The following FAP variants were observed in gnomAD, a reference collection of about 807,000 sequenced individuals.
FAP encodes prolyl endopeptidase FAP.
In FAP, 110 loss-of-function variants were observed where a neutral mutation model predicts 126.5. That is an observed-to-expected ratio of 0.87 (90% CI 0.74 to 1.02). FAP has a LOEUF of 1.02. Among genes scored for constraint, FAP ranks in the 50% least tolerant of loss-of-function variants. The pLI, the probability that FAP is intolerant of heterozygous loss-of-function variation, is 0.00. For missense variants in FAP, 919 were observed against 909.2 expected (o/e 1.01, Z -0.14); for synonymous variants, 334 against 297.3 (o/e 1.12, Z -1.27).
intron 10 of FAP, 152 bp from the exon 11 acceptor site, chr2:162,214,225 G>T (rs1028386517): frequency 5.2e-6 from 3 of 579,836 alleles, no homozygotes; most frequent in South Asian, 4.6e-5. Flanking sequence ...TCTCTGGAGA[G>T]AAAGTTTAAA....
intron 9 of FAP, 111 bp from the exon 10 acceptor site, chr2:162,216,112 A>G (rs1689152942): frequency 1.4e-6 from 1 of 694,078 alleles, no homozygotes; most frequent in Non-Finnish European, 2.5e-6. Context: ...TCTTATGTAT[A>G]TCACTGTGGA....
intron 2 of FAP, among the ~76,000 whole-genome samples, chr2:162,237,881 A>T (rs184006340): frequency 6.6e-6 from 1 of 152,182 alleles, no homozygotes; most frequent in Admixed American, 6.5e-5. Context: ...CTTTTTAATG[A>T]TCACCATTCT....
At chr2:162,182,732 T>C (rs1687734361) in intron 21 of FAP, among the ~76,000 whole-genome samples, 1 of 152,226 alleles carries the variant, frequency 6.6e-6, no homozygotes, top group Admixed American at 6.5e-5. Flanking sequence ...TCATAATTTA[T>C]AATGGGCAAA....
chr2:162,241,977 A>G (rs1690370945), intron 2 of FAP, among the ~76,000 whole-genome samples: 1 of 152,198 alleles, frequency 6.6e-6, no homozygotes, highest in Non-Finnish European at 1.5e-5. Context: ...CAGGACTCAT[A>G]CATTCTTTAG....
rs980795118 is a variant in FAP at position 162,171,079 on chromosome 2, C to T, written c.2183G>A (p.Trp728Ter). Residue 728 changes from tryptophan to a stop codon, truncating the protein, a stop_gained and splice_region_variant, in exon 26 of 26, where the codon TGG becomes TAG. Transcript: ENST00000188790. LOFTEE classifies it high-confidence loss of function. ...VNAQVDFQAM[W>*]YSDQNHGLSG... ...TAAGCCGTGGTTCTGGTCAGAGTAC[C>T]ACTGAAACACAAAGAAAAAAGCTTG... is the stretch of plus-strand genomic sequence containing the variant. The T allele has an allele frequency of 1.2e-6, 2 of 1,611,352 alleles. No homozygotes were observed. The highest frequency in any genetic ancestry group is 1.7e-6 in the Non-Finnish European group (2 of 1,178,518).
chr2:162,224,423 G>T, intron 5 of FAP, 43 bp downstream of exon 5: 1 of 1,174,612 alleles, frequency 8.5e-7, no homozygotes, highest in East Asian at 2.4e-5. Context: ...TTGTGGATTA[G>T]TAGGAGATAC....
chr2:162,195,486 C>T (rs1051232578), intron 16 of FAP, among the ~76,000 whole-genome samples: 6 of 151,578 alleles, frequency 4.0e-5, no homozygotes, highest in Non-Finnish European at 5.9e-5. Context: ...GGATGTGGCC[C>T]GGGAGAAGAG....
At chr2:162,191,693 G>A (rs374039063) in intron 17 of FAP, among the ~76,000 whole-genome samples, 2 of 152,174 alleles carry the variant, frequency 1.3e-5, no homozygotes, top group African/African-American at 4.8e-5. Context: ...ATTATGGGGA[G>A]AATCCATAGA....
intron 23 of FAP, 52 bp from the exon 24 acceptor site, chr2:162,173,273 A>G: frequency 7.6e-7 from 1 of 1,320,906 alleles, no homozygotes; most frequent in Non-Finnish European, 1.1e-6. Flanking sequence ...TCTAATAGAA[A>G]ACTAGCTAAA....
At chr2:162,238,639 G>A (rs1395059016) in intron 2 of FAP, among the ~76,000 whole-genome samples, 5 of 152,074 alleles carry the variant, frequency 3.3e-5, no homozygotes, top group African/African-American at 1.2e-4. Flanking sequence ...TAAGAATAGT[G>A]AAAAAATAAG....
intron 2 of FAP, among the ~76,000 whole-genome samples, chr2:162,234,332 T>C (rs964167355): frequency 3.9e-5 from 6 of 152,174 alleles, no homozygotes; most frequent in African/African-American, 1.4e-4. Context: ...TGTTTTATGA[T>C]CCATAAACAT....
At chr2:162,237,271 A>G (rs1234583024) in intron 2 of FAP, among the ~76,000 whole-genome samples, 1 of 152,208 alleles carries the variant, frequency 6.6e-6, no homozygotes, top group Non-Finnish European at 1.5e-5. Context: ...CAGGACGTGC[A>G]GGTTTGTTAC....
intron 2 of FAP, among the ~76,000 whole-genome samples, chr2:162,233,910 C>T (rs1027796320): frequency 1.3e-5 from 2 of 152,050 alleles, no homozygotes; most frequent in African/African-American, 2.4e-5. Flanking sequence ...GAATTGGGTC[C>T]AACATCTTTT....
intron 8 of FAP, 54 bp from the exon 9 acceptor site, chr2:162,218,194 A>T (rs900212706): frequency 8.4e-7 from 1 of 1,190,836 alleles, no homozygotes; most frequent in African/African-American, 1.6e-5. Context: ...TCTTAAAATC[A>T]TTGTAAATAC....
rs1293727601 is a variant in FAP at position 162,213,936 on chromosome 2, A to C, written c.1002+2T>G. Reference sequence around the variant, plus strand: ...CGTATCTGTGATCTTAATATACCCTACCTTTGGACAATCCCATGTCTGCCA... The same window carrying C: ...CGTATCTGTGATCTTAATATACCCTCCCTTTGGACAATCCCATGTCTGCCA... On this transcript the variant is annotated splice_donor_variant, in intron 11 of 25. Coordinates refer to ENST00000188790, the MANE Select transcript of FAP (RefSeq NM_004460.5). LOFTEE classifies it high-confidence loss of function. 6.2e-7 allele frequency: 1 copy of C among 1,612,826 alleles called. No individual in the cohort carries two copies. The highest frequency in any genetic ancestry group is 8.5e-7 in the Non-Finnish European group (1 of 1,179,314).
intron 18 of FAP, among the ~76,000 whole-genome samples, chr2:162,189,445 A>G (rs1043624273): frequency 3.3e-5 from 5 of 152,134 alleles, no homozygotes; most frequent in African/African-American, 9.6e-5. Context: ...AAAGGAAGCT[A>G]TTGAAAAGGT....
At position 162,222,371 on chromosome 2, in the gene FAP, C is replaced by CA. The variant is rs1433196444; in HGVS notation, c.413+1236dup. On this transcript the variant is annotated intron_variant, in intron 6 of 25. Coordinates refer to ENST00000188790, the MANE Select transcript of FAP (RefSeq NM_004460.5). Reference sequence around the variant, plus strand: ...TTTGGTGATGATATGGATTCGGAGACAAGAAGGACTCAGAATGCATTAGAT... The same window carrying CA: ...TTTGGTGATGATATGGATTCGGAGACAAAGAAGGACTCAGAATGCATTAGAT... 2.6e-5 allele frequency among the ~76,000 whole-genome samples: 4 copies of CA among 152,130 alleles called. No individual in the cohort carries two copies. The East Asian group carries it at 7.7e-4, about 29-fold the overall frequency.
chr2:162,179,792 A>ATCTATCGATC (rs1375172893), intron 21 of FAP, among the ~76,000 whole-genome samples: 1 of 96,694 alleles, frequency 1.0e-5, no homozygotes, highest in Admixed American at 1.1e-4. Context: ...CTATCTATCT[A>ATCTATCGATC]TATATATATA....
At chr2:162,216,790 C>G (rs1434893367) in intron 9 of FAP, among the ~76,000 whole-genome samples, 2 of 152,208 alleles carry the variant, frequency 1.3e-5, no homozygotes, top group African/African-American at 4.8e-5. Context: ...TCTCTTAGGA[C>G]CTCCGTTTCA....
Sources: allele counts gnomAD v4.1 joint callset (sites outside exome capture counted in the v4.1 genomes callset), GRCh38; gene constraint gnomAD v4.1.1; transcripts MANE v1.5; gene names NCBI Gene and HGNC (gene_info 2026-07-23, HGNC 2026-07-21).